The following MARF1 variants were observed in gnomAD, a reference collection of about 807,000 sequenced individuals.
MARF1 encodes meiosis regulator and mRNA stability factor 1, also known as limkain-b1.
Under a neutral mutation model 168.2 loss-of-function variants are expected in MARF1, and 24 were observed. That is an observed-to-expected ratio of 0.14 (90% CI 0.10 to 0.20). The LOEUF (loss-of-function observed/expected upper bound fraction) is 0.20. MARF1 is among the 10% of genes least tolerant of loss of function. The pLI is 1.00. For synonymous variants in MARF1, 868 were observed against 822.4 expected, an observed-to-expected ratio of 1.06 and a Z score of -0.95; for missense variants, 1,744 against 2,143.6, an observed-to-expected ratio of 0.81 and a Z score of 3.68.
At chr16:15,625,934 G>A in intron 7 of MARF1, 134 bp from the exon 8 acceptor site, 1 of 668,718 alleles carries the variant, frequency 1.5e-6, no homozygotes, top group Non-Finnish European at 2.6e-6. Flanking sequence ...TTAGATGGGA[G>A]AGGGTAAATT....
Position 15,636,013 on chromosome 16 carries a change from A to C in MARF1, c.474T>G (p.Ser158=). ...TCCTAGCTGAGGCATTCTGGAGTGA[A>C]GATGCAGACTGGAAAGCAAACCCTG... ...VGSGFAFQSA[S]SLQNASARNN... Residue 158 remains serine, a synonymous_variant, in exon 3 of 27, where the codon TCT becomes TCG. Transcript: ENST00000396368. 2 of 1,614,218 alleles carry C rather than the reference A, an allele frequency of 1.2e-6. No individual in the cohort carries two copies. The highest frequency in any genetic ancestry group is 4.5e-5 in the East Asian group (2 of 44,884).
chr16:15,623,004 T>C lies in MARF1; in HGVS notation c.2390A>G (p.Asn797Ser), dbSNP rs1305976354. 1 of 1,607,772 alleles carries C rather than the reference T, an allele frequency of 6.2e-7. No homozygotes were observed. The highest frequency in any genetic ancestry group is 8.5e-7 in the Non-Finnish European group (1 of 1,174,806). Residue 797 changes from asparagine to serine, a missense_variant, in exon 11 of 27, where the codon AAC becomes AGC. Physicochemically the swap from Asn to Ser is conservative, Grantham distance 46. This residue lies in a region of MARF1 where 543 missense variants were observed against 742.1 expected (regional missense o/e 0.73). Transcript: ENST00000396368. ...FANGADVQVSNIDYRLSRKEL... is the reference protein window; with the variant it reads ...FANGADVQVSSIDYRLSRKEL... ...CTTCCGGGATAATCTGTAGTCTATG[T>C]TGCTGACTTGGACATCAGCACCATT...
chr16:15,603,570 T>C (rs1324547528), intron 22 of MARF1, among the ~76,000 whole-genome samples: 2 of 152,210 alleles, frequency 1.3e-5, no homozygotes, highest in African/African-American at 2.4e-5. Flanking sequence ...TTTTCACTGG[T>C]ATATTTCAGT....
rs2034576871 is a variant in MARF1 at position 15,623,052 on chromosome 16, G to A, written c.2342C>T (p.Ala781Val). Residue 781 changes from alanine to valine, a missense_variant, in exon 11 of 27, where the codon GCC becomes GTC. Transcript: ENST00000396368. ...AFNIANSSSE[A>V]DCPDPFANGA... ...ATTTGCAAATGGGTCTGGGCAGTCGGCTTCGCTGCTCGAATTTGCAATGTT... is the reference window on the plus strand; with the variant it reads ...ATTTGCAAATGGGTCTGGGCAGTCGACTTCGCTGCTCGAATTTGCAATGTT... The A allele has an allele frequency of 6.2e-7, 1 of 1,610,728 alleles. No homozygotes were observed. The highest frequency in any genetic ancestry group is 8.5e-7 in the Non-Finnish European group (1 of 1,177,248).
At position 15,630,345 on chromosome 16, in the gene MARF1, G is replaced by T; in HGVS notation, c.1511C>A (p.Pro504Gln). The T allele has an allele frequency of 6.3e-7, 1 of 1,599,642 alleles. No individual in the cohort carries two copies. The highest frequency in any genetic ancestry group is 1.1e-5 in the South Asian group (1 of 89,172). ...EFISDLPPRLPLKMPQCHTLL... is the reference protein window; with the variant it reads ...EFISDLPPRLQLKMPQCHTLL... ...AAACCCACTTACTGGCATTTTTAGTGGTAACCTGGGGGGCAAGTCGGAAAT... is the reference window on the plus strand; with the variant it reads ...AAACCCACTTACTGGCATTTTTAGTTGTAACCTGGGGGGCAAGTCGGAAAT... Residue 504 changes from proline to glutamine, a missense_variant, in exon 7 of 27, where the codon CCA (proline) becomes CAA (glutamine). By Grantham distance (76) the Pro-to-Gln change is moderately conservative (BLOSUM62 -1). Coordinates refer to ENST00000396368, the MANE Select transcript of MARF1 (RefSeq NM_014647.4).
chr16:15,609,163 C>T (rs1168909870), intron 20 of MARF1, among the ~76,000 whole-genome samples: 3 of 152,176 alleles, frequency 2.0e-5, no homozygotes, highest in Non-Finnish European at 4.4e-5. Context: ...CTGCTTGAAC[C>T]CGCAGGCGGA....
intron 21 of MARF1, among the ~76,000 whole-genome samples, chr16:15,605,236 G>A (rs2032902844): frequency 6.6e-6 from 1 of 152,186 alleles, no homozygotes; most frequent in South Asian, 2.1e-4. Flanking sequence ...CATCCTGACA[G>A]CTTGTTTGCC....
Position 15,596,530 on chromosome 16 carries a change from C to A in MARF1, c.*163G>T. ...AGAAAAGAAAGACTTCAGCTCAAAG[C>A]TGTGTTCAATGGAAAAGAAAAACAT... On this transcript the variant is annotated 3_prime_UTR_variant, in exon 27 of 27. Transcript: ENST00000396368. 1 of 554,808 alleles carries A rather than the reference C, an allele frequency of 1.8e-6. No homozygotes were observed. Among genetic ancestry groups the A allele is most frequent in the Non-Finnish European group, 3.0e-6 (1 of 334,996 alleles). The allele number at this position is 554,808 out of a possible 1,614,324, so 34.4% of individuals were successfully genotyped here.
intron 16 of MARF1, among the ~76,000 whole-genome samples, chr16:15,613,684 T>TAAATAAATAAATAAAATA (rs1555524005): frequency 2.7e-5 from 4 of 146,302 alleles, no homozygotes; most frequent in African/African-American, 5.1e-5. Flanking sequence ...AATAAATAAA[T>TAAATAAATAAATAAAATA]AAATAAAATA....
chr16:15,596,945 C>T lies in MARF1; in HGVS notation c.4985-8G>A. On this transcript the variant is annotated splice_polypyrimidine_tract_variant and splice_region_variant and intron_variant, in intron 26 of 26. Coordinates refer to ENST00000396368, the MANE Select transcript of MARF1 (RefSeq NM_014647.4). ...GGTTTAAAATCATAATTTCTGTAAA[C>T]ACAGAAAAGCAAACAGATTCAGATC... 6.3e-7 allele frequency: 1 copy of T among 1,590,456 alleles called. No individual in the cohort carries two copies. Among genetic ancestry groups the T allele is most frequent in the Admixed American group, 1.7e-5 (1 of 58,746 alleles).
intron 22 of MARF1, 31 bp from the exon 23 acceptor site, chr16:15,602,234 T>C (rs374526844): frequency 1.9e-6 from 3 of 1,575,962 alleles, no homozygotes; most frequent in Non-Finnish European, 1.7e-6. Flanking sequence ...GCATTAGAAA[T>C]ATTAGTGACT....
At chr16:15,611,988 T>C (rs2033604276) in intron 17 of MARF1, among the ~76,000 whole-genome samples, 1 of 152,206 alleles carries the variant, frequency 6.6e-6, no homozygotes, top group African/African-American at 2.4e-5. Flanking sequence ...AAATGAAAAG[T>C]GTAATCTTTT....
chr16:15,621,682 T>G (rs749467955), intron 12 of MARF1, 51 bp downstream of exon 12: 1 of 1,540,378 alleles, frequency 6.5e-7, no homozygotes, highest in South Asian at 1.2e-5. Context: ...TCTAAAATTG[T>G]TTCTGGGTCA....
chr16:15,622,112 C>T (rs1309848644), intron 11 of MARF1, among the ~76,000 whole-genome samples: 2 of 152,148 alleles, frequency 1.3e-5, no homozygotes, highest in African/African-American at 4.8e-5. Flanking sequence ...CTGGCCCGGC[C>T]TGCCTGTGTG....
At chr16:15,599,640 G>A (rs2032198310) in intron 25 of MARF1, among the ~76,000 whole-genome samples, 1 of 152,188 alleles carries the variant, frequency 6.6e-6, no homozygotes, top group Non-Finnish European at 1.5e-5. Flanking sequence ...CACCTATAAC[G>A]ATGAATTCAA....
Position 15,633,595 on chromosome 16 carries a change from T to A in MARF1, c.1233+22A>T. On this transcript the variant is annotated intron_variant, in intron 5 of 26. Transcript: ENST00000396368. Reference sequence around the variant, plus strand: ...CTTATTCCTCTACTGTAGATTAAAATTATTAAATTTTTTTTTTTTACCTGG... The same window carrying A: ...CTTATTCCTCTACTGTAGATTAAAAATATTAAATTTTTTTTTTTTACCTGG... 3 of 1,433,704 alleles carry A rather than the reference T, an allele frequency of 2.1e-6. 1 individual carries two copies. The highest frequency in any genetic ancestry group is 1.9e-6 in the Non-Finnish European group (2 of 1,066,468). 88.8% of individuals were successfully genotyped at this position (1,433,704 alleles called of 1,614,324 possible). A position where few individuals can be genotyped will look rare whatever the true frequency, so the allele number is the denominator to read the frequency against.
chr16:15,600,799 T>A, intron 23 of MARF1, 98 bp from the exon 24 acceptor site: 1 of 1,264,774 alleles, frequency 7.9e-7, no homozygotes, highest in Non-Finnish European at 1.2e-6. Flanking sequence ...TGCCTTAGGC[T>A]AGAATTTAGG....
In MARF1 at chr16:15,638,837, T is replaced by C. The variant is rs545211172; in HGVS notation, c.144+253A>G. On this transcript the variant is annotated intron_variant, in intron 2 of 26. Coordinates refer to ENST00000396368, the MANE Select transcript of MARF1 (RefSeq NM_014647.4). ...TAATCTTTGTTACCTGTGACTTTAA[T>C]GAGGAAGAAATCTTTCCCAAATTTT... 2.0e-5 allele frequency among the ~76,000 whole-genome samples: 3 copies of C among 152,366 alleles called. No homozygotes were observed. The South Asian group carries it at 6.2e-4, about 32-fold the overall frequency.
chr16:15,612,370 C>T (rs893728935), intron 17 of MARF1, among the ~76,000 whole-genome samples, 187 bp downstream of exon 17: 20 of 152,322 alleles, frequency 1.3e-4, no homozygotes, highest in African/African-American at 4.3e-4. Context: ...AAACTGGAAA[C>T]TAGCAGCGTT....
Sources: gnomAD v4.1 joint callset for allele counts (sites outside exome capture counted in the v4.1 genomes callset) on GRCh38, gnomAD v4.1.1 for gene constraint, gnomAD v4.1.1 regional missense constraint, MANE v1.5 for transcripts, NCBI Gene and HGNC (gene_info 2026-07-23, HGNC 2026-07-21) for gene names.